MROH2A: variants seen among roughly 807,000 people sequenced by gnomAD.
MROH2A encodes the protein maestro heat like repeat family member 2A, also known as maestro heat-like repeat-containing protein family member 2A.
A neutral mutation model predicts 200.4 loss-of-function variants in MROH2A; 174 were observed. The ratio of observed to expected loss-of-function variants is 0.87; its 90% CI spans 0.77 to 0.98. MROH2A has a LOEUF of 0.98. Among genes scored for constraint, MROH2A ranks in the 50% least tolerant of loss-of-function variants. MROH2A has a pLI of 0.00. For missense variants in MROH2A, 2,045 were observed against 2,139.6 expected, an observed-to-expected ratio of 0.96 and a Z score of 0.87; for synonymous variants, 829 against 840.4, an observed-to-expected ratio of 0.99 and a Z score of 0.23.
At position 233,804,469 on chromosome 2, in the gene MROH2A, G is replaced by A. The variant is rs753805897; in HGVS notation, c.1892-26G>A. ...GGGGAGCAGTGGAAGAAAGTGGCATGTGTGACCATACATGTGTTCCTGCAG... is the reference window on the plus strand; with the variant it reads ...GGGGAGCAGTGGAAGAAAGTGGCATATGTGACCATACATGTGTTCCTGCAG... On this transcript the variant is annotated intron_variant, in intron 17 of 41. Transcript: ENST00000389758. 4 of 1,550,896 alleles carry A rather than the reference G, an allele frequency of 2.6e-6. No individual in the cohort carries two copies. The African/African-American group carries it at 5.5e-5, about 21-fold the overall frequency.
At position 233,793,656 on chromosome 2, in the gene MROH2A, C is replaced by T. The variant is rs994254415; in HGVS notation, c.671-17C>T. On this transcript the variant is annotated splice_polypyrimidine_tract_variant and intron_variant, in intron 6 of 41. Transcript: ENST00000389758. ...GCCCCTCTGGCGCCAAGTGCATTCC[C>T]CTGTTGCTGTTGGTAGCCATGGAGA... The T allele has an allele frequency of 1.2e-5, 16 of 1,368,382 alleles. No individual in the cohort carries two copies. The highest frequency in any genetic ancestry group is 1.3e-5 in the Non-Finnish European group (14 of 1,054,648). The allele number at this position is 1,368,382 out of a possible 1,614,324, so 84.8% of individuals were successfully genotyped here. A position where few individuals can be genotyped will look rare whatever the true frequency, so the allele number is the denominator to read the frequency against.
At chr2:233,784,068 C>A (rs1451213405) in intron 3 of MROH2A, among the ~76,000 whole-genome samples, 4 of 151,084 alleles carry the variant, frequency 2.6e-5, no homozygotes, top group African/African-American at 9.7e-5. Flanking sequence ...GATCTCTTGC[C>A]CTTCTTTAAA....
intron 22 of MROH2A, 91 bp from the exon 23 acceptor site, chr2:233,810,703 C>A: frequency 6.8e-7 from 1 of 1,475,848 alleles, no homozygotes; most frequent in Non-Finnish European, 9.1e-7. Flanking sequence ...TTCTTCAGAG[C>A]AGAGGGAGTC....
Position 233,820,083 on chromosome 2 carries a change from G to A in MROH2A, c.3512+27G>A, listed in dbSNP as rs553339842. The A allele has an allele frequency of 2.8e-5, 41 of 1,486,586 alleles. No individual in the cohort carries two copies. In the African/African-American group the frequency reaches 3.6e-4, roughly 13 times the overall value. 92.1% of individuals were successfully genotyped at this position (1,486,586 alleles called of 1,614,324 possible). A position where few individuals can be genotyped will look rare whatever the true frequency, so the allele number is the denominator to read the frequency against. ...TGGGTGCCCTGGAGGAGGTGGCCCC[G>A]GCCTCCTGTGCCATTTGACCATGCC... On this transcript the variant is annotated intron_variant, in intron 31 of 41. Transcript: ENST00000389758. The surrounding 1 kb of genome is among the most constrained non-coding windows in gnomAD (Gnocchi z 4.1).
intron 39 of MROH2A, among the ~76,000 whole-genome samples, chr2:233,831,963 T>C (rs908052137): frequency 6.6e-6 from 1 of 152,226 alleles, no homozygotes; most frequent in Non-Finnish European, 1.5e-5. Context: ...GGCTACCATG[T>C]TGGACAGCAC....
intron 3 of MROH2A, 53 bp from the exon 4 acceptor site, chr2:233,789,444 C>G (rs1701584372): frequency 7.5e-7 from 1 of 1,330,324 alleles, no homozygotes; most frequent in East Asian, 2.9e-5. Flanking sequence ...GAGAGGTGGA[C>G]TTGTGCTGGG....
intron 8 of MROH2A, 149 bp from the exon 9 acceptor site, chr2:233,795,504 T>G (rs2885297): frequency 8.0e-7 from 1 of 1,245,980 alleles, no homozygotes; most frequent in Non-Finnish European, 1.1e-6. Context: ...TCAGCAGGAC[T>G]GGGGTAGGGC....
chr2:233,817,741 C>T (rs549267263), intron 27 of MROH2A, among the ~76,000 whole-genome samples: 4 of 152,326 alleles, frequency 2.6e-5, no homozygotes. Flanking sequence ...AAGTTCAGAG[C>T]TGTGAACTGA....
intron 41 of MROH2A, 113 bp from the exon 42 acceptor site, chr2:233,833,025 G>A (rs960108332): frequency 5.3e-5 from 69 of 1,305,056 alleles, no homozygotes; most frequent in Middle Eastern, 2.7e-4. Context: ...GAGTTTCCCC[G>A]TCTGCCCCTG....
At chr2:233,794,086 G>A (rs981282219) in intron 7 of MROH2A, among the ~76,000 whole-genome samples, 5 of 152,170 alleles carry the variant, frequency 3.3e-5, no homozygotes, top group African/African-American at 1.2e-4. Flanking sequence ...CTCTACCAGC[G>A]TCTTACCCAT....
rs1489591513 is a variant in MROH2A, at chr2:233,800,155, A to C, written c.1450-50A>C. Reference sequence around the variant, plus strand: ...TGAGGAGACCACACCTGAGACCACGACAAACCTCTGCTAGGCCACAGGTGG... The same window carrying C: ...TGAGGAGACCACACCTGAGACCACGCCAAACCTCTGCTAGGCCACAGGTGG... On this transcript the variant is annotated intron_variant, in intron 13 of 41. Transcript: ENST00000389758. 7.2e-6 allele frequency: 10 copies of C among 1,382,770 alleles called. No homozygotes were observed. In the East Asian group the frequency reaches 2.5e-4, roughly 34 times the overall value. The allele number at this position is 1,382,770 out of a possible 1,614,324, so 85.7% of individuals were successfully genotyped here.
chr2:233,802,512 G>A, intron 15 of MROH2A, 197 bp downstream of exon 15: 1 of 617,644 alleles, frequency 1.6e-6, no homozygotes, highest in Non-Finnish European at 2.7e-6. Context: ...TTAGAATTGT[G>A]TAAACTTCCT....
chr2:233,796,851 G>A (rs1702144980), intron 11 of MROH2A, among the ~76,000 whole-genome samples: 1 of 152,156 alleles, frequency 6.6e-6, no homozygotes, highest in Non-Finnish European at 1.5e-5. Flanking sequence ...CCTAAAGTTG[G>A]GTAGCTTTGT....
At chr2:233,812,006 G>A (rs1252272646) in intron 24 of MROH2A, 47 bp downstream of exon 24, 1 of 1,303,820 alleles carries the variant, frequency 7.7e-7, no homozygotes, top group Non-Finnish European at 1.1e-6. Context: ...GTAGGGAAAA[G>A]TTCAAGACCA....
At chr2:233,819,771 G>C (rs534293512) in intron 30 of MROH2A, 131 bp from the exon 31 acceptor site, 19 of 1,010,890 alleles carry the variant, frequency 1.9e-5, no homozygotes, top group Non-Finnish European at 2.7e-5. Context: ...GCACTAGAGA[G>C]GGTGCTGGGC....
rs986540732 is a variant in MROH2A at position 233,813,681 on chromosome 2, C to T, written c.2663C>T (p.Pro888Leu). ...EALSHLSKLK[P>L]FYSTEENSEL... ...TGCTTCTTCTCCAGCAAGCTGAAGC[C>T]TTTCTACTCCACAGAGGAAAACAGT... Residue 888 changes from proline to leucine, a missense_variant, in exon 25 of 42, where the codon CCT becomes CTT. Pro to Leu is a moderately conservative substitution (Grantham distance 98). Coordinates refer to ENST00000389758, the MANE Select transcript of MROH2A (RefSeq NM_001394639.1). The T allele has an allele frequency of 2.6e-6, 4 of 1,548,178 alleles. No homozygotes were observed. The highest frequency in any genetic ancestry group is 3.9e-5 in the Admixed American group (2 of 50,932).
At chr2:233,815,499 T>C (rs1352003270) in intron 26 of MROH2A, among the ~76,000 whole-genome samples, 1 of 151,954 alleles carries the variant, frequency 6.6e-6, no homozygotes, top group Non-Finnish European at 1.5e-5. Context: ...CTATGTTTTC[T>C]TCCAGAAGTT....
At position 233,822,203 on chromosome 2, in the gene MROH2A, C is replaced by T. The variant is rs1482592721; in HGVS notation, c.3592C>T (p.Leu1198=). The T allele has an allele frequency of 3.2e-6, 5 of 1,548,998 alleles. No individual in the cohort carries two copies. In the South Asian group the frequency reaches 3.6e-5, roughly 11 times the overall value. The part of the protein sequence containing the change: ...RTMLHSLMGR[L]QSRLSPRISA... ...CATGCTCCACAGCCTGATGGGCCGG[C>T]TGCAGTCACGGCTCAGCCCCAGAAT... is the stretch of plus-strand genomic sequence containing the variant. Residue 1198 remains leucine, a synonymous_variant, in exon 32 of 42, where the codon CTG becomes TTG. Coordinates refer to ENST00000389758, the MANE Select transcript of MROH2A (RefSeq NM_001394639.1).
intron 3 of MROH2A, among the ~76,000 whole-genome samples, chr2:233,789,212 T>C (rs568634447): frequency 7.9e-4 from 121 of 152,246 alleles, no homozygotes; most frequent in African/African-American, 2.9e-3. Flanking sequence ...CAATGCCCCA[T>C]GCATAGAGAA....
Sources: allele counts gnomAD v4.1 joint callset (sites outside exome capture counted in the v4.1 genomes callset), GRCh38; gene constraint gnomAD v4.1.1; non-coding constraint Gnocchi (gnomAD v3.1); transcripts MANE v1.5; gene names NCBI Gene and HGNC (gene_info 2026-07-23, HGNC 2026-07-21).